DPP6: variants seen among roughly 807,000 people sequenced by gnomAD.
DPP6 encodes A-type potassium channel modulatory protein DPP6.
Under a neutral mutation model 122.6 loss-of-function variants are expected in DPP6, and 69 were observed. The ratio of observed to expected loss-of-function variants is 0.56; its 90% confidence interval spans 0.46 to 0.69. The LOEUF is 0.69. Among genes scored for constraint, DPP6 ranks in the 30% least tolerant of loss-of-function variants. The pLI is 0.00. For synonymous variants in DPP6, 418 were observed against 433.1 expected, an observed-to-expected ratio of 0.97 and a Z score of 0.43; for missense variants, 928 against 1,116.9, an observed-to-expected ratio of 0.83 and a Z score of 2.41.
At chr7:154,461,527 T>A (rs531683210) in intron 2 of DPP6, among the ~76,000 whole-genome samples, 2 of 152,328 alleles carry the variant, frequency 1.3e-5, no homozygotes, top group South Asian at 4.1e-4. Flanking sequence ...TTGTCAGCAT[T>A]TGTTATTGAA....
chr7:153,929,737 T>C (rs1211651203), intron 1 of DPP6, among the ~76,000 whole-genome samples: 3 of 152,354 alleles, frequency 2.0e-5, no homozygotes, highest in Non-Finnish European at 2.9e-5. Context: ...TTTTTAATCA[T>C]GACCACCTTG....
At chr7:154,030,193 C>A (rs563642824) in intron 1 of DPP6, among the ~76,000 whole-genome samples, 1 of 152,170 alleles carries the variant, frequency 6.6e-6, no homozygotes, top group Admixed American at 6.5e-5. Context: ...AAGACCCTGT[C>A]TAAAAGAAAT....
At chr7:154,665,941 A>G (rs907873640) in intron 6 of DPP6, among the ~76,000 whole-genome samples, 3 of 151,820 alleles carry the variant, frequency 2.0e-5, no homozygotes, top group African/African-American at 7.3e-5. Context: ...CAGTCTCAAA[A>G]TTGATCCTCC....
At chr7:154,306,493 T>A (rs760927379) in intron 1 of DPP6, among the ~76,000 whole-genome samples, 6 of 152,174 alleles carry the variant, frequency 3.9e-5, no homozygotes, top group Non-Finnish European at 7.3e-5. Context: ...TATTTTAGGG[T>A]TGCTGTTGGA....
chr7:153,887,806 G>C (rs1799002053), intron 1 of DPP6: 3 of 1,523,888 alleles, frequency 2.0e-6, no homozygotes, highest in Non-Finnish European at 1.8e-6. Flanking sequence ...GGGGAGGTCT[G>C]TCCTTCTCAG....
chr7:154,255,092 T>C (rs1802575152), intron 1 of DPP6, among the ~76,000 whole-genome samples: 2 of 152,094 alleles, frequency 1.3e-5, no homozygotes, highest in African/African-American at 4.8e-5. Flanking sequence ...TGTTAACAAA[T>C]GAATAAAGGC....
intron 2 of DPP6, among the ~76,000 whole-genome samples, chr7:154,459,110 A>G (rs886953856): frequency 1.4e-5 from 2 of 146,724 alleles, no homozygotes; most frequent in Admixed American, 6.9e-5. Flanking sequence ...ATGTTATTAA[A>G]TTTGTCGAGA....
intron 10 of DPP6, among the ~76,000 whole-genome samples, chr7:154,785,182 T>C (rs971883348): frequency 6.6e-6 from 1 of 152,262 alleles, no homozygotes; most frequent in Non-Finnish European, 1.5e-5. Flanking sequence ...TTTATCAAAG[T>C]ATTGCATATT....
intron 1 of DPP6, among the ~76,000 whole-genome samples, chr7:154,357,117 T>C (rs993419513): frequency 1.3e-5 from 2 of 152,300 alleles, no homozygotes; most frequent in East Asian, 1.9e-4. Context: ...AAATGAACCA[T>C]GAACAATGAA....
intron 16 of DPP6, among the ~76,000 whole-genome samples, chr7:154,851,853 G>A (rs911729632): frequency 8.5e-5 from 13 of 152,152 alleles, no homozygotes; most frequent in African/African-American, 3.1e-4. Flanking sequence ...GGTGAACAGA[G>A]AGGGGCACCA....
At chr7:154,101,496 G>A (rs1477572623) in intron 1 of DPP6, among the ~76,000 whole-genome samples, 1 of 151,694 alleles carries the variant, frequency 6.6e-6, no homozygotes, top group Admixed American at 6.6e-5. Context: ...CATTTAGAAG[G>A]GAAAGTGGAG....
chr7:154,344,569 C>T (rs991243500), intron 1 of DPP6, among the ~76,000 whole-genome samples: 1 of 152,048 alleles, frequency 6.6e-6, no homozygotes, highest in African/African-American at 2.4e-5. Context: ...GTACTGCTAC[C>T]AGCTGTACCA....
In DPP6 at chr7:154,313,712, T is replaced by TATATATATATATATATATATTC. The variant is rs1554515587; in HGVS notation, c.244-132499_244-132498insTATATATATATATATATTCATA. 2.0e-4 allele frequency among the ~76,000 whole-genome samples: 5 copies of TATATATATATATATATATATTC among 24,926 alleles called. 1 individual carries two copies. The highest frequency in any genetic ancestry group is 3.9e-4 in the Non-Finnish European group (4 of 10,180). 16.4% of individuals were successfully genotyped at this position (24,926 alleles called of 152,430 possible). The stretch of plus-strand genomic sequence containing the variant: ...ATATATATATATATATATATATATA[T>TATATATATATATATATATATTC]ATACACACACACGCACGCACACACA... On this transcript the variant is annotated intron_variant, in intron 1 of 25. Coordinates refer to ENST00000377770, the MANE Select transcript of DPP6 (RefSeq NM_130797.4).
intron 1 of DPP6, among the ~76,000 whole-genome samples, chr7:154,362,849 C>T (rs767400994): frequency 1.6e-4 from 24 of 152,268 alleles, no homozygotes; most frequent in African/African-American, 4.6e-4. Context: ...CTGGCTGCTC[C>T]GAGTGCAGCC....
At chr7:153,813,029 A>G in the DPP6 span, among the ~76,000 whole-genome samples, 2 of 151,990 alleles carry the variant, frequency 1.3e-5, no homozygotes, top group African/African-American at 4.8e-5. Context: ...TTTTTTTATT[A>G]TTATTATACT....
chr7:154,224,433 T>C (rs1336603586), intron 1 of DPP6, among the ~76,000 whole-genome samples: 1 of 149,248 alleles, frequency 6.7e-6, no homozygotes, highest in African/African-American at 2.5e-5. Context: ...TGCTAAGTTC[T>C]GTGCTCTGGA....
At chr7:154,451,264 G>A (rs891967609) in intron 2 of DPP6, among the ~76,000 whole-genome samples, 6 of 150,962 alleles carry the variant, frequency 4.0e-5, no homozygotes, top group Non-Finnish European at 4.4e-5. Context: ...AGGAGGCTGA[G>A]CAGGAGAATG....
chr7:153,759,937 TTCTGTCTCTCTC>T, the DPP6 span, among the ~76,000 whole-genome samples: 14 of 150,580 alleles, frequency 9.3e-5, no homozygotes, highest in Non-Finnish European at 1.5e-4. Flanking sequence ...CTCTCTCTGT[TTCTGTCTCTCTC>T]TCTGTCTCTC....
At chr7:154,459,451 C>A (rs1821082084) in intron 2 of DPP6, among the ~76,000 whole-genome samples, 1 of 152,092 alleles carries the variant, frequency 6.6e-6, no homozygotes, top group Non-Finnish European at 1.5e-5. Context: ...GCTCTCAATT[C>A]AGGTATGAGT....
Sources: allele counts gnomAD v4.1 joint callset (sites outside exome capture counted in the v4.1 genomes callset), GRCh38; gene constraint gnomAD v4.1.1; transcripts MANE v1.5; gene names NCBI Gene and HGNC (gene_info 2026-07-23, HGNC 2026-07-21).